Variants in ZNF385D observed in about 807,000 individuals in gnomAD.
ZNF385D encodes zinc finger protein 385D.
Under a neutral mutation model 35.8 loss-of-function variants are expected in ZNF385D, and 15 were observed. That is an observed-to-expected ratio of 0.42 (90% CI 0.28 to 0.64). ZNF385D has a LOEUF of 0.64. Among genes scored for constraint, ZNF385D ranks in the 30% least tolerant of loss-of-function variants. ZNF385D has a pLI of 0.23. For missense variants in ZNF385D, 474 were observed against 494.6 expected (o/e 0.96, Z 0.39); for synonymous variants, 212 against 186.8 (o/e 1.13, Z -1.10).
chr3:22,273,089 A>G (rs1015644575), intron 2 of ZNF385D, among the ~76,000 whole-genome samples: 4 of 152,030 alleles, frequency 2.6e-5, no homozygotes, highest in African/African-American at 9.7e-5. Context: ...AAAAAAGAGA[A>G]AATAGGCAAA....
At chr3:21,927,005 T>G (rs1700761851) in intron 3 of ZNF385D, among the ~76,000 whole-genome samples, 1 of 152,110 alleles carries the variant, frequency 6.6e-6, no homozygotes, top group African/African-American at 2.4e-5. Flanking sequence ...TGGGAGGTGT[T>G]TGGGTAATGA....
At chr3:22,245,649 C>A (rs186277330) in intron 2 of ZNF385D, among the ~76,000 whole-genome samples, 1 of 149,242 alleles carries the variant, frequency 6.7e-6, no homozygotes, top group Admixed American at 6.8e-5. Context: ...AGACAATAGA[C>A]GGGTGTGTGC....
chr3:21,969,264 A>T (rs1559801980), intron 3 of ZNF385D, among the ~76,000 whole-genome samples: 1 of 152,064 alleles, frequency 6.6e-6, no homozygotes, highest in Non-Finnish European at 1.5e-5. Context: ...TCTCATCTTG[A>T]CTTGCATAAT....
At chr3:22,110,104 G>A (rs1220978945) in intron 3 of ZNF385D, among the ~76,000 whole-genome samples, 1 of 152,084 alleles carries the variant, frequency 6.6e-6, no homozygotes, top group Non-Finnish European at 1.5e-5. Flanking sequence ...TCTCACACCA[G>A]TTAGAATGGC....
At chr3:22,143,999 A>T (rs1055454680) in intron 3 of ZNF385D, among the ~76,000 whole-genome samples, 7 of 152,174 alleles carry the variant, frequency 4.6e-5, no homozygotes, top group Admixed American at 1.3e-4. Flanking sequence ...ATTTCATGTT[A>T]TCTTTGATTT....
At chr3:22,193,839 T>C (rs1559443224) in intron 2 of ZNF385D, among the ~76,000 whole-genome samples, 1 of 152,042 alleles carries the variant, frequency 6.6e-6, no homozygotes, top group Non-Finnish European at 1.5e-5. Context: ...CTTAAGTTTT[T>C]CATCTATATT....
At chr3:21,746,528 G>A (rs116358039) in intron 1 of ZNF385D, among the ~76,000 whole-genome samples, 1,713 of 152,204 alleles carry the variant, frequency 0.011, 37 homozygotes, top group African/African-American at 0.039. Context: ...ACATTCTCCA[G>A]CCCTGTTTTG....
chr3:21,474,550 C>T (rs1313494446), intron 4 of ZNF385D, among the ~76,000 whole-genome samples: 1 of 152,088 alleles, frequency 6.6e-6, no homozygotes, highest in Non-Finnish European at 1.5e-5. Context: ...TCATCAGATA[C>T]ACACAAATGA....
At chr3:21,617,145 G>C (rs563246673) in intron 2 of ZNF385D, among the ~76,000 whole-genome samples, 12 of 152,256 alleles carry the variant, frequency 7.9e-5, no homozygotes, top group South Asian at 2.1e-4. Flanking sequence ...TTAAGTATTA[G>C]AGAATTCTGG....
chr3:22,201,930 C>G (rs1420141961), intron 2 of ZNF385D, among the ~76,000 whole-genome samples: 1 of 151,562 alleles, frequency 6.6e-6, no homozygotes, highest in African/African-American at 2.4e-5. Context: ...ATATCCCAAG[C>G]AAAATAAAGA....
intron 2 of ZNF385D, among the ~76,000 whole-genome samples, chr3:22,320,029 G>A (rs1250029742): frequency 6.6e-6 from 1 of 151,632 alleles, no homozygotes; most frequent in Admixed American, 6.6e-5. Flanking sequence ...TGATTTGGAA[G>A]ATCCTGAATT....
intron 2 of ZNF385D, among the ~76,000 whole-genome samples, chr3:22,235,482 G>A (rs532487251): frequency 5.2e-4 from 79 of 152,146 alleles, no homozygotes; most frequent in African/African-American, 1.1e-3. Context: ...AGAATCTTCA[G>A]TGTGTCCAAA....
intron 3 of ZNF385D, among the ~76,000 whole-genome samples, chr3:22,126,974 T>C (rs1053117094): frequency 3.3e-5 from 5 of 152,158 alleles, no homozygotes; most frequent in Admixed American, 6.6e-5. Context: ...ATTTCTTCTA[T>C]CTGATGCAAG....
At chr3:21,746,763 A>G (rs2069790738) in intron 1 of ZNF385D, among the ~76,000 whole-genome samples, 1 of 152,178 alleles carries the variant, frequency 6.6e-6, no homozygotes, top group Non-Finnish European at 1.5e-5. Flanking sequence ...AAGGAGTTAA[A>G]TGTTTCCACT....
intron 3 of ZNF385D, among the ~76,000 whole-genome samples, chr3:22,097,390 G>C (rs995748496): frequency 6.6e-6 from 1 of 151,974 alleles, no homozygotes; most frequent in East Asian, 1.9e-4. Context: ...ATTAGTGGGA[G>C]TCTAAGATTC....
At chr3:21,812,479 A>T (rs1259899449) in intron 3 of ZNF385D, among the ~76,000 whole-genome samples, 2 of 152,216 alleles carry the variant, frequency 1.3e-5, no homozygotes, top group African/African-American at 4.8e-5. Flanking sequence ...TACCTGGAAA[A>T]CTGGGACACT....
chr3:22,285,333 C>A (rs1701969980), intron 2 of ZNF385D, among the ~76,000 whole-genome samples: 1 of 152,052 alleles, frequency 6.6e-6, no homozygotes, highest in South Asian at 2.1e-4. Flanking sequence ...AAAGATCTGA[C>A]TAGTTTGACT....
intron 3 of ZNF385D, among the ~76,000 whole-genome samples, chr3:21,865,683 C>T (rs1679222): frequency 0.11 from 17,127 of 152,068 alleles, 1,208 homozygotes; most frequent in Middle Eastern, 0.16. Context: ...GTTTGAGGAA[C>T]TTAGTTTATG....
intron 2 of ZNF385D, among the ~76,000 whole-genome samples, chr3:22,343,317 G>C (rs1255982162): frequency 6.6e-6 from 1 of 152,158 alleles, no homozygotes; most frequent in African/African-American, 2.4e-5. Flanking sequence ...TTCCATTTCA[G>C]GGAATTTTCT....
Sources: gnomAD v4.1 joint callset for allele counts (sites outside exome capture counted in the v4.1 genomes callset) on GRCh38, gnomAD v4.1.1 for gene constraint, MANE v1.5 for transcripts, NCBI Gene and HGNC (gene_info 2026-07-23, HGNC 2026-07-21) for gene names.